Variants in HIF3A observed in about 807,000 individuals in gnomAD.
The protein encoded by HIF3A is hypoxia inducible factor 3 subunit alpha, also known as hypoxia-inducible factor 3-alpha.
In HIF3A, 41 loss-of-function variants were observed where a neutral mutation model predicts 67.2. That is an observed-to-expected ratio of 0.61 (90% CI 0.48 to 0.79). HIF3A has a LOEUF of 0.79. Ranked by LOEUF, HIF3A falls within the 30% of genes least tolerant of loss-of-function variation. The pLI, the probability that HIF3A is intolerant of heterozygous loss-of-function variation, is 0.00. For synonymous variants in HIF3A, 356 were observed against 374.8 expected, an observed-to-expected ratio of 0.95 and a Z score of 0.58; for missense variants, 855 against 898.0, an observed-to-expected ratio of 0.95 and a Z score of 0.61.
chr19:46,303,904 C>A lies in HIF3A; in HGVS notation c.33C>A (p.Thr11=). The part of the protein sequence containing the change: MALGLQRARS[T]TELRKEKSRD... Reference sequence around the variant, plus strand: ...ATGCTGCCCATGCCCTCAGGTCGACCACGGAGCTGCGCAAGGAAAAGTCCC... The same window carrying A: ...ATGCTGCCCATGCCCTCAGGTCGACAACGGAGCTGCGCAAGGAAAAGTCCC... Residue 11 remains threonine (T), a synonymous_variant, in exon 2 of 15, where the codon ACC becomes ACA. Coordinates refer to ENST00000377670, the MANE Select transcript of HIF3A (RefSeq NM_152795.4). The A allele has an allele frequency of 6.2e-7, 1 of 1,608,232 alleles. No homozygotes were observed.
At chr19:46,311,080 C>A (rs917752973) in intron 6 of HIF3A, among the ~76,000 whole-genome samples, 5 of 151,980 alleles carry the variant, frequency 3.3e-5, no homozygotes, top group Admixed American at 2.0e-4. Context: ...TATTTATTTT[C>A]ATTCTTCTCT....
In HIF3A at chr19:46,339,833, T is replaced by A. The variant is rs2147339292; in HGVS notation, c.*211T>A. The A allele has an allele frequency of 4.9e-6, 2 of 409,910 alleles. No individual in the cohort carries two copies. Among genetic ancestry groups the A allele is most frequent in the East Asian group, 7.1e-5 (2 of 28,192 alleles). The allele number at this position is 409,910 out of a possible 1,614,324, so 25.4% of individuals were successfully genotyped here. On this transcript the variant is annotated 3_prime_UTR_variant, in exon 15 of 15. Coordinates refer to ENST00000377670, the MANE Select transcript of HIF3A (RefSeq NM_152795.4). ...CTGGGGTGGTCTCAGCTCAGTGACC[T>A]CTGGGAGGTGGTCCCTGGCCCCCTC...
chr19:46,302,160 C>T (rs1174828331), intron 1 of HIF3A, among the ~76,000 whole-genome samples: 2 of 151,914 alleles, frequency 1.3e-5, no homozygotes, highest in East Asian at 3.9e-4. Flanking sequence ...GACGGAGTCT[C>T]ACTCTGTCGC....
At position 46,329,343 on chromosome 19, in the gene HIF3A, G is replaced by A; in HGVS notation, c.1577G>A (p.Ser526Asn). The change falls in exon 12 of 15, where the codon AGC becomes AAC. Residue 526 changes from serine (S) to asparagine (N), a missense_variant. Coordinates refer to ENST00000377670, the MANE Select transcript of HIF3A (RefSeq NM_152795.4). ...LGAVPRPRAR[S>N]FHGLSPPALE... ...GCTGTCCCCCGGCCCCGTGCTCGGA[G>A]CTTCCATGGCCTGTCACCTCCAGCC... The A allele has an allele frequency of 6.2e-7, 1 of 1,613,252 alleles. No individual in the cohort carries two copies. Among genetic ancestry groups the A allele is most frequent in the South Asian group, 1.1e-5 (1 of 91,048 alleles).
At position 46,309,150 on chromosome 19, in the gene HIF3A, G is replaced by A; in HGVS notation, c.562-1G>A. 6.2e-7 allele frequency: 1 copy of A among 1,611,694 alleles called. No homozygotes were observed. Among genetic ancestry groups the A allele is most frequent in the East Asian group, 2.2e-5 (1 of 44,796 alleles). ...CCTTGTCCCCTCATCTCGGCCCCCA[G>A]GTGCTGAACTGCTCTGGACATATGA... On this transcript the variant is annotated splice_acceptor_variant, in intron 5 of 14. Coordinates refer to ENST00000377670, the MANE Select transcript of HIF3A (RefSeq NM_152795.4). LOFTEE classifies it high-confidence loss of function.
chr19:46,308,153 A>C (rs1490812720), intron 3 of HIF3A, 68 bp from the exon 4 acceptor site: 2 of 953,916 alleles, frequency 2.1e-6, no homozygotes, highest in African/African-American at 3.2e-5. Context: ...GGAGCAGGGG[A>C]ATGAGGATGG....
intron 3 of HIF3A, among the ~76,000 whole-genome samples, chr19:46,307,298 C>T (rs1398168610): frequency 6.6e-6 from 1 of 152,188 alleles, no homozygotes; most frequent in African/African-American, 2.4e-5. Flanking sequence ...TGTGCAGTCA[C>T]CGTGTCCATA....
chr19:46,304,784 G>T (rs898263540), intron 2 of HIF3A, among the ~76,000 whole-genome samples: 1 of 152,068 alleles, frequency 6.6e-6, no homozygotes, highest in African/African-American at 2.4e-5. Flanking sequence ...TACCCCCTTA[G>T]AAGTCTGTTC....
chr19:46,298,407 C>T (rs1228878756), intron 1 of HIF3A: 2 of 1,270,572 alleles, frequency 1.6e-6, no homozygotes, highest in African/African-American at 3.1e-5. Context: ...GTGGAGTCAT[C>T]TCACCGCCGT....
In HIF3A at chr19:46,308,363, C is replaced by G. The variant is rs1969089599; in HGVS notation, c.448+58C>G. ...ACAGAGGAGGAAGCTGAGGCTCCAC[C>G]CCTCCCTCAGCATATCCCCACCTCC... On this transcript the variant is annotated intron_variant, in intron 4 of 14. Transcript: ENST00000377670. The G allele has an allele frequency of 4.7e-6, 5 of 1,069,142 alleles. No individual in the cohort carries two copies. In the Admixed American group the frequency reaches 6.0e-5, roughly 13 times the overall value. 66.2% of individuals were successfully genotyped at this position (1,069,142 alleles called of 1,614,324 possible).
intron 8 of HIF3A, 72 bp from the exon 9 acceptor site, chr19:46,320,371 C>A: frequency 8.1e-7 from 1 of 1,232,398 alleles, no homozygotes; most frequent in Non-Finnish European, 1.2e-6. Flanking sequence ...AGGACATCAC[C>A]TGAACAGGCT....
rs1162542322 is a variant in HIF3A at position 46,308,697 on chromosome 19, G to T, written c.483G>T (p.Glu161Asp). Residue 161 changes from glutamate (E) to aspartate (D), a missense_variant, in exon 5 of 15, where the codon GAG becomes GAT. By Grantham distance (45) the Glu-to-Asp change is conservative. Coordinates refer to ENST00000377670, the MANE Select transcript of HIF3A (RefSeq NM_152795.4). ...GGAGGAAGGTGGAGGCCCCCACGGAGCGGTGCTTCTCCTTGCGCATGAAGA... is the reference window on the plus strand; with the variant it reads ...GGAGGAAGGTGGAGGCCCCCACGGATCGGTGCTTCTCCTTGCGCATGAAGA... ...LSRRKVEAPTERCFSLRMKST... is the reference protein window; with the variant it reads ...LSRRKVEAPTDRCFSLRMKST... The T allele has an allele frequency of 6.2e-7, 1 of 1,610,108 alleles. No homozygotes were observed. Among genetic ancestry groups the T allele is most frequent in the Non-Finnish European group, 8.5e-7 (1 of 1,178,570 alleles).
Position 46,312,501 on chromosome 19 carries a change from C to T in HIF3A, c.878-5C>T. ...GCCCTGATCCCTCCCGATCCCCCTC[C>T]TCAGTGCTGAGCAAGGGCCAGGCAG... On this transcript the variant is annotated splice_polypyrimidine_tract_variant and splice_region_variant and intron_variant, in intron 7 of 14. Coordinates refer to ENST00000377670, the MANE Select transcript of HIF3A (RefSeq NM_152795.4). 1.9e-6 allele frequency: 3 copies of T among 1,613,982 alleles called. No individual in the cohort carries two copies. Among genetic ancestry groups the T allele is most frequent in the Non-Finnish European group, 2.5e-6 (3 of 1,179,978 alleles).
At chr19:46,319,979 T>C (rs1202246272) in intron 8 of HIF3A, among the ~76,000 whole-genome samples, 3 of 152,096 alleles carry the variant, frequency 2.0e-5, no homozygotes, top group Admixed American at 6.6e-5. Flanking sequence ...CCTGTAATCA[T>C]AGCACTTTGG....
intron 10 of HIF3A, among the ~76,000 whole-genome samples, 161 bp from the exon 11 acceptor site, chr19:46,325,374 C>T (rs1310290382): frequency 1.3e-5 from 2 of 152,030 alleles, no homozygotes; most frequent in Non-Finnish European, 2.9e-5. Context: ...GAGTTTTGAA[C>T]ACCCAGGTTC....
intron 8 of HIF3A, chr19:46,312,878 GTTAATTTTTTTTT>G: frequency 8.4e-6 from 7 of 838,262 alleles, no homozygotes; most frequent in Non-Finnish European, 7.1e-6. Flanking sequence ...TGTGTAGACT[GTTAATTTTTTTTT>G]TTTTTTTTTT....
At position 46,342,141 on chromosome 19, in the gene HIF3A, T is replaced by C. The variant is rs1406163834; in HGVS notation, c.*2519T>C. 1.3e-5 allele frequency: 2 copies of C among 152,222 alleles called. No individual in the cohort carries two copies. The highest frequency in any genetic ancestry group is 6.5e-5 in the Admixed American group (1 of 15,280). 9.4% of individuals were successfully genotyped at this position (152,222 alleles called of 1,614,324 possible). ...CTAGAACTGACTTACAAGTGCCTTC[T>C]GATTCTAGACCTCATTCCGTAAGTT... On this transcript the variant is annotated 3_prime_UTR_variant, in exon 15 of 15. Coordinates refer to ENST00000377670, the MANE Select transcript of HIF3A (RefSeq NM_152795.4).
intron 14 of HIF3A, chr19:46,338,526 A>G (rs772115875): frequency 8.8e-7 from 1 of 1,133,616 alleles, no homozygotes; most frequent in Non-Finnish European, 1.1e-6. Flanking sequence ...GAATGAATAA[A>G]CTCTCATAAA....
chr19:46,313,663 G>GTTT (rs1969672077), intron 8 of HIF3A, among the ~76,000 whole-genome samples: 1 of 62,146 alleles, frequency 1.6e-5, no homozygotes. Flanking sequence ...CAATTACCAC[G>GTTT]ATTTTTTTTT....
Sources: allele counts gnomAD v4.1 joint callset (sites outside exome capture counted in the v4.1 genomes callset), GRCh38; gene constraint gnomAD v4.1.1; transcripts MANE v1.5; gene names NCBI Gene and HGNC (gene_info 2026-07-23, HGNC 2026-07-21).